Variants in ANKRD16 observed in about 807,000 individuals in gnomAD.
ANKRD16 encodes ankyrin repeat domain-containing protein 16.
ANKRD16 carries 35 observed loss-of-function variants against 37.9 expected under a neutral mutation model. That is an observed-to-expected ratio of 0.92 (90% CI 0.71 to 1.23). The LOEUF (loss-of-function observed/expected upper bound fraction) is 1.23. Ranked by LOEUF, ANKRD16 falls within the 50% of genes most tolerant of loss-of-function variation. ANKRD16 has a pLI of 0.00. For synonymous variants in ANKRD16, 206 were observed against 197.2 expected, an observed-to-expected ratio of 1.04 and a Z score of -0.37; for missense variants, 480 against 469.9, an observed-to-expected ratio of 1.02 and a Z score of -0.20.
Position 5,865,292 on chromosome 10 carries a change from C to G in ANKRD16, c.*34-2601G>C, listed in dbSNP as rs1841997165. ...CATGTCCACTATGCCGAGGCAATCACTGGAAGGTGCACTGCCCCAGAGGAC... is the reference window on the plus strand; with the variant it reads ...CATGTCCACTATGCCGAGGCAATCAGTGGAAGGTGCACTGCCCCAGAGGAC... On this transcript the variant is annotated intron_variant, in intron 7 of 7. Transcript: ENST00000380094. This position sits in a 1 kb window ranked among gnomAD's most constrained non-coding sequence, Gnocchi z 4.7. 2.0e-5 allele frequency among the ~76,000 whole-genome samples: 3 copies of G among 152,236 alleles called. No homozygotes were observed. Among genetic ancestry groups the G allele is most frequent in the African/African-American group, 7.2e-5 (3 of 41,464 alleles).
chr10:5,869,873 A>G lies in ANKRD16; in HGVS notation c.*34-7182T>C, dbSNP rs1332545231. On this transcript the variant is annotated intron_variant, in intron 7 of 7. Transcript: ENST00000380094. This position sits in a 1 kb window ranked among gnomAD's most constrained non-coding sequence, Gnocchi z 4.0. ...ATGTGCAGGTTTGTTACCTGGGTAT[A>G]TCGCGTGATGCTGAGGTCTGCAGTA... is the stretch of plus-strand genomic sequence containing the variant. Among the ~76,000 whole-genome samples, 1 of 152,254 alleles carries G rather than the reference A, an allele frequency of 6.6e-6. No homozygotes were observed. The highest frequency in any genetic ancestry group is 1.9e-4 in the East Asian group (1 of 5,182).
chr10:5,873,767 C>A (rs1043758167), intron 7 of ANKRD16, among the ~76,000 whole-genome samples: 1 of 152,122 alleles, frequency 6.6e-6, no homozygotes, highest in South Asian at 2.1e-4. Context: ...CATCTCGTTT[C>A]CATTTTGTGA....
chr10:5,880,634 C>CGGG (rs1564417593), intron 5 of ANKRD16, among the ~76,000 whole-genome samples: 25 of 150,574 alleles, frequency 1.7e-4, no homozygotes, highest in African/African-American at 5.7e-4. Context: ...ATAAAAGGAG[C>CGGG]AGGGGGGGGA....
In ANKRD16 at chr10:5,866,245, C is replaced by T. The variant is rs1564412941; in HGVS notation, c.*34-3554G>A. Among the ~76,000 whole-genome samples, 2 of 152,124 alleles carry T rather than the reference C, an allele frequency of 1.3e-5. No homozygotes were observed. The highest frequency in any genetic ancestry group is 6.6e-5 in the Admixed American group (1 of 15,266). On this transcript the variant is annotated intron_variant, in intron 7 of 7. Coordinates refer to ENST00000380094, the MANE Select transcript of ANKRD16 (RefSeq NM_019046.3). The surrounding 1 kb of genome is among the most constrained non-coding windows in gnomAD (Gnocchi z 4.3). ...ACTTTTCTCCCAGAGGATGGGGAAC[C>T]GATCGAGCATGACTGCCAACAAGTT...
chr10:5,873,273 G>A (rs1004021076), intron 7 of ANKRD16, among the ~76,000 whole-genome samples: 52 of 151,892 alleles, frequency 3.4e-4, no homozygotes, highest in Non-Finnish European at 5.7e-4. Context: ...ATCATGATCC[G>A]CCCGCCTCGG....
chr10:5,882,994 G>A lies in ANKRD16; in HGVS notation c.849+12C>T, dbSNP rs747359741. 3 of 1,611,708 alleles carry A rather than the reference G, an allele frequency of 1.9e-6. No homozygotes were observed. Among genetic ancestry groups the A allele is most frequent in the South Asian group, 1.1e-5 (1 of 91,020 alleles). On this transcript the variant is annotated intron_variant, in intron 5 of 7. Coordinates refer to ENST00000380094, the MANE Select transcript of ANKRD16 (RefSeq NM_019046.3). ...CAGGGAAGCTCGGACAACGTTATAA[G>A]AAGTAACAAACCTTAGCTGCATAAT...
In ANKRD16 at chr10:5,866,857, G is replaced by C. The variant is rs555751963; in HGVS notation, c.*34-4166C>G. ...AGAGAGAGGAAGAGACAGAGAGGCTGAAAGTCAAAGAGAGAAGGAGAGAGA... is the reference window on the plus strand; with the variant it reads ...AGAGAGAGGAAGAGACAGAGAGGCTCAAAGTCAAAGAGAGAAGGAGAGAGA... On this transcript the variant is annotated intron_variant, in intron 7 of 7. Transcript: ENST00000380094. The surrounding 1 kb of genome is among the most constrained non-coding windows in gnomAD (Gnocchi z 4.3). 6.6e-6 allele frequency among the ~76,000 whole-genome samples: 1 copy of C among 152,090 alleles called. No homozygotes were observed. The highest frequency in any genetic ancestry group is 2.1e-4 in the South Asian group (1 of 4,814).
Position 5,862,685 on chromosome 10 carries a change from A to T in ANKRD16, c.*40T>A. The T allele has an allele frequency of 7.8e-7, 1 of 1,289,716 alleles. No homozygotes were observed. The highest frequency in any genetic ancestry group is 1.0e-6 in the Non-Finnish European group (1 of 988,834). 79.9% of individuals were successfully genotyped at this position (1,289,716 alleles called of 1,614,324 possible). On this transcript the variant is annotated 3_prime_UTR_variant, in exon 8 of 8. Transcript: ENST00000380094. This position sits in a 1 kb window ranked among gnomAD's most constrained non-coding sequence, Gnocchi z 6.5. ...AAAAACGAAAGGTGCTCAGGCTCCC[A>T]GCAACTCTGTGAAGAAAGAGTTATT...
Position 5,865,942 on chromosome 10 carries a change from C to A in ANKRD16, c.*34-3251G>T, listed in dbSNP as rs545831572. Among the ~76,000 whole-genome samples, 4 of 152,210 alleles carry A rather than the reference C, an allele frequency of 2.6e-5. No homozygotes were observed. The East Asian group carries it at 7.7e-4, about 29-fold the overall frequency. On this transcript the variant is annotated intron_variant, in intron 7 of 7. Coordinates refer to ENST00000380094, the MANE Select transcript of ANKRD16 (RefSeq NM_019046.3). The surrounding 1 kb of genome is among the most constrained non-coding windows in gnomAD (Gnocchi z 4.7). ...CCTTACTCAGACTCATGGGACAACC[C>A]CACAACCAGTGGCATACCTAAGTAA...
intron 5 of ANKRD16, 61 bp downstream of exon 5, chr10:5,882,945 T>A: frequency 2.6e-6 from 4 of 1,566,072 alleles, no homozygotes; most frequent in Non-Finnish European, 3.5e-6. Flanking sequence ...GCAGAGCTAC[T>A]GATCAAAGAA....
chr10:5,872,673 C>T (rs1050136250), intron 7 of ANKRD16, among the ~76,000 whole-genome samples: 1 of 150,476 alleles, frequency 6.6e-6, no homozygotes, highest in Non-Finnish European at 1.5e-5. Context: ...ACTCCTGCCT[C>T]AGCCTCTCGA....
intron 7 of ANKRD16, among the ~76,000 whole-genome samples, chr10:5,867,277 G>A (rs1169188310): frequency 6.6e-6 from 1 of 152,224 alleles, no homozygotes; most frequent in Non-Finnish European, 1.5e-5. Flanking sequence ...ACCAGACCTA[G>A]GAGGAACTCC....
rs1177781982 is a variant in ANKRD16, at chr10:5,878,794, A to G, written c.929-507T>C. Among the ~76,000 whole-genome samples the G allele has an allele frequency of 6.6e-5, 10 of 152,160 alleles. No homozygotes were observed. The highest frequency in any genetic ancestry group is 1.2e-4 in the Non-Finnish European group (8 of 68,012). On this transcript the variant is annotated intron_variant, in intron 6 of 7. Coordinates refer to ENST00000380094, the MANE Select transcript of ANKRD16 (RefSeq NM_019046.3). The surrounding 1 kb of genome is among the most constrained non-coding windows in gnomAD (Gnocchi z 5.1). ...GAGCAAGACTCTGCCTCAAAAAAAA[A>G]AAAAAAAGAAAAAGAAACTTATCTA...
intron 3 of ANKRD16, among the ~76,000 whole-genome samples, chr10:5,884,740 A>T (rs115586549): frequency 0.063 from 236 of 3,764 alleles, 2 homozygotes; most frequent in African/African-American, 0.18. Flanking sequence ...CTCAAAAACT[A>T]AAAAAAAAAA....
At chr10:5,867,660 G>A (rs1263149805) in intron 7 of ANKRD16, among the ~76,000 whole-genome samples, 1 of 152,080 alleles carries the variant, frequency 6.6e-6, no homozygotes, top group Non-Finnish European at 1.5e-5. Flanking sequence ...GCCCCTCAAA[G>A]CTCAAGTCCA....
At chr10:5,879,897 G>A (rs1842259307) in intron 6 of ANKRD16, among the ~76,000 whole-genome samples, 1 of 152,164 alleles carries the variant, frequency 6.6e-6, no homozygotes, top group South Asian at 2.1e-4. Context: ...AGTGGCTCAT[G>A]CCTGTAATCC....
At chr10:5,881,476 A>T (rs1342382798) in intron 5 of ANKRD16, among the ~76,000 whole-genome samples, 1 of 100,340 alleles carries the variant, frequency 1.0e-5, no homozygotes, top group African/African-American at 3.7e-5. Context: ...ATATATATAT[A>T]TATATTTGAG....
chr10:5,879,033 G>A (rs1564416963), intron 6 of ANKRD16, among the ~76,000 whole-genome samples: 3 of 152,220 alleles, frequency 2.0e-5, no homozygotes, highest in Non-Finnish European at 4.4e-5. Flanking sequence ...TCAGCACTGA[G>A]GTTCCTGGTG....
At position 5,888,001 on chromosome 10, in the gene ANKRD16, G is replaced by A. The variant is rs772486885; in HGVS notation, c.381C>T (p.Gly127=). The A allele has an allele frequency of 6.2e-7, 1 of 1,614,168 alleles. No individual in the cohort carries two copies. The highest frequency in any genetic ancestry group is 8.5e-7 in the Non-Finnish European group (1 of 1,180,020). The part of the protein sequence containing the change: ...LGVIQELVEH[G]ANPLLKNKDG... ...CTTTGTTCTTCAGGAGTGGATTGGC[G>A]CCATGTTCCACCAGCTCCTGGATCA... The change falls in exon 2 of 8, where the codon GGC becomes GGT. Residue 127 remains glycine, a synonymous_variant. Coordinates refer to ENST00000380094, the MANE Select transcript of ANKRD16 (RefSeq NM_019046.3).
Sources: gnomAD v4.1 joint callset for allele counts (sites outside exome capture counted in the v4.1 genomes callset) on GRCh38, gnomAD v4.1.1 for gene constraint, Gnocchi (gnomAD v3.1) non-coding constraint, MANE v1.5 for transcripts, NCBI Gene and HGNC (gene_info 2026-07-23, HGNC 2026-07-21) for gene names.